Variants in HSD17B12 observed in about 807,000 individuals in gnomAD.
HSD17B12 encodes hydroxysteroid 17-beta dehydrogenase 12.
HSD17B12 carries 32 observed loss-of-function variants against 39.3 expected under a neutral mutation model. The ratio of observed to expected loss-of-function variants is 0.81; its 90% CI spans 0.61 to 1.09. The LOEUF is 1.09. HSD17B12 is among the 50% of genes least tolerant of loss of function. The probability of loss-of-function intolerance (pLI) is 0.00; values close to 1 mark genes in which losing one functional copy is unlikely to be tolerated. For missense variants in HSD17B12, 342 were observed against 382.9 expected, an observed-to-expected ratio of 0.89 and a Z score of 0.89; for synonymous variants, 150 against 146.7, an observed-to-expected ratio of 1.02 and a Z score of -0.16.
At chr11:43,725,489 C>T (rs1488403353) in intron 1 of HSD17B12, among the ~76,000 whole-genome samples, 2 of 152,138 alleles carry the variant, frequency 1.3e-5, no homozygotes, top group Non-Finnish European at 2.9e-5. Context: ...CTGTAAGTAA[C>T]AGAATACACA....
chr11:43,608,618 A>G, the HSD17B12 span, among the ~76,000 whole-genome samples: 8 of 152,226 alleles, frequency 5.3e-5, no homozygotes, highest in African/African-American at 1.9e-4. Context: ...ATGTAATTTT[A>G]GAGTAGAACT....
chr11:43,798,286 T>G (rs1417442320), intron 3 of HSD17B12, 34 bp from the exon 4 acceptor site: 51 of 1,301,804 alleles, frequency 3.9e-5, no homozygotes, highest in Non-Finnish European at 5.4e-5. Flanking sequence ...TAATTTTCCC[T>G]GTCTCTCCCC....
chr11:43,619,245 AAT>A, the HSD17B12 span, among the ~76,000 whole-genome samples: 5,109 of 70,550 alleles, frequency 0.072, 329 homozygotes, highest in African/African-American at 0.14. Context: ...ATATATATAA[AAT>A]ATATATATAT....
At chr11:43,609,934 C>A in the HSD17B12 span, among the ~76,000 whole-genome samples, 2 of 152,160 alleles carry the variant, frequency 1.3e-5, no homozygotes, top group African/African-American at 4.8e-5. Context: ...ATAAGGAAAA[C>A]AAGATCCAGA....
the HSD17B12 span, among the ~76,000 whole-genome samples, chr11:43,589,812 T>A: frequency 6.6e-6 from 1 of 152,158 alleles, no homozygotes; most frequent in Non-Finnish European, 1.5e-5. Flanking sequence ...GAGATTTAGG[T>A]TTTTTGCCTA....
At chr11:43,566,227 T>C in the HSD17B12 span, among the ~76,000 whole-genome samples, 1 of 152,214 alleles carries the variant, frequency 6.6e-6, no homozygotes, top group Admixed American at 6.5e-5. Context: ...TTAATAAATA[T>C]GGGGCTCATT....
chr11:43,749,117 A>G (rs1037068978), intron 1 of HSD17B12, among the ~76,000 whole-genome samples: 1 of 152,242 alleles, frequency 6.6e-6, no homozygotes, highest in Admixed American at 6.5e-5. Context: ...TCAAACCTGA[A>G]TTTGATCAAT....
At chr11:43,556,814 G>A in the HSD17B12 span, 1 of 150,236 alleles carries the variant, frequency 6.7e-6, no homozygotes, top group African/African-American at 2.5e-5. Flanking sequence ...CTTTTTGCGT[G>A]GTGCATTTAA....
the HSD17B12 span, among the ~76,000 whole-genome samples, chr11:43,621,161 G>A: frequency 6.6e-6 from 1 of 152,180 alleles, no homozygotes; most frequent in Admixed American, 6.5e-5. Context: ...GTGCAAATAC[G>A]CCTCTGGACA....
intron 3 of HSD17B12, among the ~76,000 whole-genome samples, chr11:43,783,397 CT>C (rs1349708824): frequency 5.1e-3 from 676 of 132,774 alleles, no homozygotes; most frequent in Middle Eastern, 7.6e-3. Context: ...CTCCAAAGAG[CT>C]TTTTTTTTTT....
intron 4 of HSD17B12, among the ~76,000 whole-genome samples, chr11:43,811,918 A>G (rs922915476): frequency 2.0e-5 from 3 of 151,756 alleles, no homozygotes; most frequent in African/African-American, 7.3e-5. Context: ...TCTACTCTCT[A>G]CCTCCATGAG....
At chr11:43,698,286 A>G (rs774198230) in intron 1 of HSD17B12, among the ~76,000 whole-genome samples, 1 of 152,196 alleles carries the variant, frequency 6.6e-6, no homozygotes, top group African/African-American at 2.4e-5. Flanking sequence ...GACAGGTTCT[A>G]TGTGGATATC....
chr11:43,774,394 T>A (rs1395270316), intron 3 of HSD17B12, among the ~76,000 whole-genome samples: 1 of 152,100 alleles, frequency 6.6e-6, no homozygotes. Flanking sequence ...TTTGTGTTTT[T>A]AGTAGAGGCA....
chr11:43,828,916 T>C (rs1464617760), intron 6 of HSD17B12, among the ~76,000 whole-genome samples: 1 of 152,228 alleles, frequency 6.6e-6, no homozygotes, highest in East Asian at 1.9e-4. Flanking sequence ...GATTTGTATA[T>C]ACATACTCAT....
intron 1 of HSD17B12, among the ~76,000 whole-genome samples, chr11:43,740,991 G>A (rs1950358995): frequency 6.6e-6 from 1 of 152,178 alleles, no homozygotes; most frequent in African/African-American, 2.4e-5. Context: ...TTTCAGTGTT[G>A]CTGTGAATGC....
chr11:43,643,063 T>C, the HSD17B12 span, among the ~76,000 whole-genome samples: 3 of 152,132 alleles, frequency 2.0e-5, no homozygotes, highest in Non-Finnish European at 4.4e-5. Flanking sequence ...CCCTTTCAAA[T>C]GGCAAATTGT....
At chr11:43,599,420 T>G in the HSD17B12 span, among the ~76,000 whole-genome samples, 2 of 152,232 alleles carry the variant, frequency 1.3e-5, no homozygotes, top group Non-Finnish European at 2.9e-5. Context: ...TTATTTCTTC[T>G]TTTTTAGTTT....
intron 1 of HSD17B12, among the ~76,000 whole-genome samples, chr11:43,697,453 A>T (rs1269371267): frequency 6.6e-6 from 1 of 152,206 alleles, no homozygotes; most frequent in Non-Finnish European, 1.5e-5. Context: ...ATCTTAATTG[A>T]CTCATTTAAT....
chr11:43,632,109 T>C, the HSD17B12 span, among the ~76,000 whole-genome samples: 2 of 152,234 alleles, frequency 1.3e-5, no homozygotes, highest in Non-Finnish European at 2.9e-5. Context: ...CGTTATTCTC[T>C]ATCACGACCC....
Sources: allele counts gnomAD v4.1 joint callset (sites outside exome capture counted in the v4.1 genomes callset), GRCh38; gene constraint gnomAD v4.1.1; transcripts MANE v1.5; gene names NCBI Gene and HGNC (gene_info 2026-07-23, HGNC 2026-07-21).